The following CUEDC1 variants were observed in gnomAD, a reference collection of about 807,000 sequenced individuals.
The protein encoded by CUEDC1 is CUE domain containing 1.
In CUEDC1, 30 loss-of-function variants were observed where a neutral mutation model predicts 43.7. The observed-to-expected ratio is 0.69, with a 90% CI of 0.51 to 0.93. CUEDC1 has a LOEUF of 0.93. CUEDC1 is among the 40% of genes least tolerant of loss of function. CUEDC1 has a pLI of 0.00. For synonymous variants in CUEDC1, 223 were observed against 223.6 expected (o/e 1.00, Z 0.02); for missense variants, 486 against 549.0 (o/e 0.89, Z 1.15).
intron 1 of CUEDC1, among the ~76,000 whole-genome samples, chr17:57,925,036 T>C (rs1239458802): frequency 2.0e-5 from 3 of 151,732 alleles, no homozygotes; most frequent in African/African-American, 7.3e-5. Flanking sequence ...AAATTCTCAT[T>C]ATGTAGTGTT....
intron 3 of CUEDC1, among the ~76,000 whole-genome samples, chr17:57,874,453 C>A (rs1461626180): frequency 1.3e-5 from 2 of 152,216 alleles, no homozygotes; most frequent in Non-Finnish European, 2.9e-5. Context: ...TCTTTCCAGG[C>A]CCGTTGTGTG....
rs757998149 is a variant in CUEDC1 at position 57,872,731 on chromosome 17, A to T, written c.716T>A (p.Phe239Tyr). The change falls in exon 5 of 11, where the codon TTC becomes TAC. Residue 239 changes from phenylalanine to tyrosine, a missense_variant. Physicochemically the swap from Phe to Tyr is conservative, Grantham distance 22 (BLOSUM62 3). Coordinates refer to ENST00000577830, the MANE Select transcript of CUEDC1 (RefSeq NM_001271875.2). ...QYLEDERIAL[F>Y]LQNEEFMKEL... ...CTTCATGAACTCCTCGTTCTGCAGG[A>T]AAAGCGCGATCCTCTCGTCCTCCAG... 6.2e-7 allele frequency: 1 copy of T among 1,614,094 alleles called. No homozygotes were observed. Among genetic ancestry groups the T allele is most frequent in the Non-Finnish European group, 8.5e-7 (1 of 1,179,974 alleles).
intron 1 of CUEDC1, among the ~76,000 whole-genome samples, chr17:57,887,300 G>A (rs866471074): frequency 2.6e-5 from 4 of 152,160 alleles, no homozygotes; most frequent in Admixed American, 2.0e-4. Flanking sequence ...ACCCAGGCAT[G>A]TAAATCACTG....
Position 57,879,473 on chromosome 17 carries a change from A to G in CUEDC1, c.464+138T>C. The G allele has an allele frequency of 3.4e-6, 4 of 1,192,594 alleles. No individual in the cohort carries two copies. The South Asian group carries it at 8.1e-5, about 24-fold the overall frequency. The allele number at this position is 1,192,594 out of a possible 1,614,324, so 73.9% of individuals were successfully genotyped here. A position where few individuals can be genotyped will look rare whatever the true frequency, so the allele number is the denominator to read the frequency against. ...AAGTTCTCCTTGGTATCTAGCTAAA[A>G]TGTCTCTTGCTGCAGTAGAAGCCTG... On this transcript the variant is annotated intron_variant, in intron 3 of 10. Transcript: ENST00000577830.
chr17:57,866,362 C>A, intron 10 of CUEDC1, 112 bp downstream of exon 10: 2 of 899,510 alleles, frequency 2.2e-6, no homozygotes, highest in Non-Finnish European at 3.5e-6. Context: ...GCCTGTGCTA[C>A]CCAGTTGCCT....
intron 1 of CUEDC1, among the ~76,000 whole-genome samples, chr17:57,895,134 C>T (rs967947749): frequency 6.6e-6 from 1 of 152,220 alleles, no homozygotes; most frequent in Non-Finnish European, 1.5e-5. Context: ...CTCCCTACAG[C>T]TCTACAAGGT....
intron 1 of CUEDC1, among the ~76,000 whole-genome samples, chr17:57,886,448 A>C (rs1333227352): frequency 6.6e-6 from 1 of 152,240 alleles, no homozygotes; most frequent in Non-Finnish European, 1.5e-5. Context: ...CCCCGGGGAC[A>C]GCAGTGATGA....
At chr17:57,925,221 GTTTTTC>G (rs770742616) in intron 1 of CUEDC1, among the ~76,000 whole-genome samples, 2 of 152,044 alleles carry the variant, frequency 1.3e-5, no homozygotes, top group African/African-American at 4.8e-5. Flanking sequence ...ACATTTTCCA[GTTTTTC>G]TTTAACGAGC....
chr17:57,895,069 C>G (rs2074394582), intron 1 of CUEDC1, among the ~76,000 whole-genome samples: 1 of 152,224 alleles, frequency 6.6e-6, no homozygotes, highest in South Asian at 2.1e-4. Flanking sequence ...TTGCCTGCTT[C>G]CTTATATGCT....
At chr17:57,884,806 C>T (rs763802141) in intron 2 of CUEDC1, among the ~76,000 whole-genome samples, 17 of 152,246 alleles carry the variant, frequency 1.1e-4, no homozygotes, top group Non-Finnish European at 1.9e-4. Flanking sequence ...CGCTTCTAGT[C>T]CACACTGGAC....
At chr17:57,951,683 T>C (rs2075008698) in intron 1 of CUEDC1, among the ~76,000 whole-genome samples, 1 of 152,146 alleles carries the variant, frequency 6.6e-6, no homozygotes, top group Non-Finnish European at 1.5e-5. Flanking sequence ...GGTCTCGAAC[T>C]CCTGACCTCA....
chr17:57,872,563 C>T, intron 5 of CUEDC1, 100 bp downstream of exon 5: 1 of 1,324,874 alleles, frequency 7.5e-7, no homozygotes, highest in South Asian at 1.3e-5. Context: ...AGCACCTGGC[C>T]CCCTCAGCCC....
chr17:57,916,578 T>A (rs2074643632), intron 1 of CUEDC1, among the ~76,000 whole-genome samples: 1 of 152,150 alleles, frequency 6.6e-6, no homozygotes, highest in Non-Finnish European at 1.5e-5. Flanking sequence ...GTGTGATCGA[T>A]GCTGGCAGAC....
chr17:57,932,777 G>T (rs1264341730), intron 1 of CUEDC1, among the ~76,000 whole-genome samples: 1 of 149,178 alleles, frequency 6.7e-6, no homozygotes, highest in Non-Finnish European at 1.5e-5. Context: ...CAGGAGAATT[G>T]CTTGAACCCA....
chr17:57,934,559 TAAAAAAAAAAAAA>T (rs575832390), intron 1 of CUEDC1, among the ~76,000 whole-genome samples: 3 of 65,336 alleles, frequency 4.6e-5, no homozygotes, highest in African/African-American at 9.7e-5. Context: ...CCTGTCTCTC[TAAAAAAAAAAAAA>T]AAAAAAAAAA....
At chr17:57,871,420 A>C (rs1230022804) in intron 5 of CUEDC1, 51 bp from the exon 6 acceptor site, 4 of 1,506,926 alleles carry the variant, frequency 2.7e-6, no homozygotes, top group Non-Finnish European at 3.7e-6. Context: ...CTGGGCTCCC[A>C]GGGGCAGGCT....
chr17:57,933,754 G>A (rs576758449), intron 1 of CUEDC1, among the ~76,000 whole-genome samples: 2 of 152,294 alleles, frequency 1.3e-5, no homozygotes, highest in South Asian at 4.1e-4. Context: ...CAGATCGGAT[G>A]CTGCATTCCC....
chr17:57,865,288 G>C lies in CUEDC1; in HGVS notation c.*3+1186C>G, dbSNP rs530716501. Reference sequence around the variant, plus strand: ...GTTTGAGGAAAGCCTGAGGGGAATAGAAGGGGCTGCAGTGCCTGGTGGGAG... The same window carrying C: ...GTTTGAGGAAAGCCTGAGGGGAATACAAGGGGCTGCAGTGCCTGGTGGGAG... On this transcript the variant is annotated intron_variant, in intron 10 of 10. Transcript: ENST00000577830. 2.6e-5 allele frequency among the ~76,000 whole-genome samples: 4 copies of C among 152,352 alleles called. No homozygotes were observed. The East Asian group carries it at 5.8e-4, about 22-fold the overall frequency.
chr17:57,909,842 A>C (rs2074565095), intron 1 of CUEDC1, among the ~76,000 whole-genome samples: 1 of 152,198 alleles, frequency 6.6e-6, no homozygotes, highest in Non-Finnish European at 1.5e-5. Context: ...TCAGAGAAAA[A>C]GGGCAGCTGA....
Sources: gnomAD v4.1 joint callset for allele counts (sites outside exome capture counted in the v4.1 genomes callset) on GRCh38, gnomAD v4.1.1 for gene constraint, MANE v1.5 for transcripts, NCBI Gene and HGNC (gene_info 2026-07-23, HGNC 2026-07-21) for gene names.